FBXL17: variants seen among roughly 807,000 people sequenced by gnomAD.
The protein encoded by FBXL17 is F-box/LRR-repeat protein 17.
Under a neutral mutation model 66.2 loss-of-function variants are expected in FBXL17, and 22 were observed. The observed-to-expected ratio is 0.33, with a 90% CI of 0.24 to 0.47. FBXL17 has a LOEUF of 0.47. Ranked by LOEUF, FBXL17 falls within the 20% of genes least tolerant of loss-of-function variation. The pLI is 1.00. For missense variants in FBXL17, 878 were observed against 948.2 expected, an observed-to-expected ratio of 0.93 and a Z score of 0.97; for synonymous variants, 474 against 400.5, an observed-to-expected ratio of 1.18 and a Z score of -2.19.
chr5:107,869,561 T>C (rs921354692), intron 8 of FBXL17, among the ~76,000 whole-genome samples: 4 of 152,186 alleles, frequency 2.6e-5, no homozygotes, highest in African/African-American at 9.7e-5. Flanking sequence ...ATATTGATTT[T>C]TCCAGGATCC....
intron 8 of FBXL17, 60 bp from the exon 9 acceptor site, chr5:107,861,920 A>T: frequency 1.4e-6 from 2 of 1,403,248 alleles, no homozygotes; most frequent in South Asian, 3.5e-5. Context: ...GCCGCTGCCC[A>T]CGCTCACTGA....
intron 7 of FBXL17, among the ~76,000 whole-genome samples, chr5:107,947,781 C>A (rs1751363948): frequency 6.6e-6 from 1 of 152,152 alleles, no homozygotes; most frequent in Admixed American, 6.5e-5. Context: ...CTGGTCAACT[C>A]TAAAACGAGT....
chr5:108,377,949 T>C (rs187167103), intron 1 of FBXL17, among the ~76,000 whole-genome samples: 5 of 152,214 alleles, frequency 3.3e-5, no homozygotes, highest in African/African-American at 2.4e-5. Context: ...ATCTTTTATA[T>C]AAAAGTGATA....
At chr5:108,054,838 C>A (rs1463855151) in intron 6 of FBXL17, among the ~76,000 whole-genome samples, 13 of 152,090 alleles carry the variant, frequency 8.5e-5, no homozygotes, top group African/African-American at 3.1e-4. Context: ...GAGCTTACCA[C>A]CATGTTGTTC....
intron 6 of FBXL17, among the ~76,000 whole-genome samples, chr5:108,153,898 C>T (rs1486506523): frequency 1.3e-5 from 2 of 152,098 alleles, no homozygotes; most frequent in Admixed American, 1.3e-4. Flanking sequence ...ATCTATGAAC[C>T]AACTAGGTGT....
chr5:108,038,765 T>C (rs1363428166), intron 6 of FBXL17, among the ~76,000 whole-genome samples: 1 of 152,072 alleles, frequency 6.6e-6, no homozygotes, highest in Non-Finnish European at 1.5e-5. Context: ...GTGAGTGAGA[T>C]AATTGTAAAA....
Position 108,381,150 on chromosome 5 carries a change from C to G in FBXL17, c.542G>C (p.Gly181Ala), listed in dbSNP as rs1193807679. 7.1e-7 allele frequency: 1 copy of G among 1,403,560 alleles called. No homozygotes were observed. Among genetic ancestry groups the G allele is most frequent in the Non-Finnish European group, 9.2e-7 (1 of 1,081,528 alleles). 86.9% of individuals were successfully genotyped at this position (1,403,560 alleles called of 1,614,324 possible). ...GAGCTCGGCCGGTGACGGTGTCGGC[C>G]CCCGGAAGAGCTGCACGGCGGCGGG... Reference protein sequence around the residue: ...GPPAAVQLFRGPTPSPAELPT... With the variant: ...GPPAAVQLFRAPTPSPAELPT... Residue 181 changes from glycine (G) to alanine (A), a missense_variant, in exon 1 of 9, where the codon GGG becomes GCG. This residue lies in a region of FBXL17 where 605 missense variants were observed against 509.5 expected (regional missense o/e 1.19). Coordinates refer to ENST00000542267, the MANE Select transcript of FBXL17 (RefSeq NM_001163315.3).
chr5:107,996,388 C>T (rs1331925049), intron 7 of FBXL17, among the ~76,000 whole-genome samples: 1 of 152,226 alleles, frequency 6.6e-6, no homozygotes, highest in Non-Finnish European at 1.5e-5. Context: ...GATCTCAACT[C>T]ACTGCAGCCT....
chr5:108,135,589 A>G (rs1751102182), intron 6 of FBXL17, among the ~76,000 whole-genome samples: 1 of 152,150 alleles, frequency 6.6e-6, no homozygotes, highest in African/African-American at 2.4e-5. Flanking sequence ...ACTCCTAAAA[A>G]TTTCTTACTG....
chr5:108,160,260 C>T (rs1055140850), intron 6 of FBXL17, among the ~76,000 whole-genome samples: 2 of 152,112 alleles, frequency 1.3e-5, no homozygotes, highest in East Asian at 1.9e-4. Context: ...TACTATAATA[C>T]CACGATTAGA....
chr5:108,008,197 T>A (rs79693384), intron 7 of FBXL17, among the ~76,000 whole-genome samples: 2,231 of 152,320 alleles, frequency 0.015, 22 homozygotes, highest in Non-Finnish European at 0.023. Flanking sequence ...ACATGCTTGA[T>A]ACCCTCATCC....
intron 4 of FBXL17, among the ~76,000 whole-genome samples, chr5:108,278,854 G>T (rs1757590435): frequency 6.6e-6 from 1 of 152,190 alleles, no homozygotes; most frequent in African/African-American, 2.4e-5. Context: ...GGTCCTGAGT[G>T]CAAGCTTGAC....
intron 7 of FBXL17, among the ~76,000 whole-genome samples, chr5:107,885,483 T>C (rs1163577962): frequency 6.6e-6 from 1 of 152,202 alleles, no homozygotes; most frequent in African/African-American, 2.4e-5. Context: ...GCACTGATTG[T>C]AATTGCAAAA....
intron 6 of FBXL17, among the ~76,000 whole-genome samples, chr5:108,027,123 C>T (rs1022776125): frequency 2.0e-5 from 3 of 152,096 alleles, no homozygotes; most frequent in Non-Finnish European, 4.4e-5. Context: ...CACAAACCTG[C>T]TGTTATGAAA....
intron 7 of FBXL17, among the ~76,000 whole-genome samples, chr5:107,990,666 A>G (rs1237845453): frequency 6.6e-6 from 1 of 152,248 alleles, no homozygotes. Flanking sequence ...GCATATAGCA[A>G]GTGCTCAATA....
At chr5:107,868,329 G>A (rs1748343071) in intron 8 of FBXL17, among the ~76,000 whole-genome samples, 1 of 152,216 alleles carries the variant, frequency 6.6e-6, no homozygotes, top group African/African-American at 2.4e-5. Context: ...ATTGCAGTTT[G>A]CATATAAATA....
At chr5:108,077,655 C>A (rs985729606) in intron 6 of FBXL17, among the ~76,000 whole-genome samples, 4 of 136,008 alleles carry the variant, frequency 2.9e-5, no homozygotes, top group African/African-American at 8.0e-5. Flanking sequence ...AAGGCAAGAT[C>A]CTATCTCAAA....
chr5:107,933,593 C>T (rs1750802175), intron 7 of FBXL17, among the ~76,000 whole-genome samples: 1 of 152,136 alleles, frequency 6.6e-6, no homozygotes, highest in South Asian at 2.1e-4. Context: ...CAGACTTAAA[C>T]AATACCCTGT....
chr5:108,019,284 C>G (rs1374175026), intron 7 of FBXL17, among the ~76,000 whole-genome samples: 1 of 152,142 alleles, frequency 6.6e-6, no homozygotes, highest in Non-Finnish European at 1.5e-5. Context: ...GATCCCAGAT[C>G]TGTCTCAACT....
Sources: allele counts gnomAD v4.1 joint callset (sites outside exome capture counted in the v4.1 genomes callset), GRCh38; gene constraint gnomAD v4.1.1; regional missense constraint gnomAD v4.1.1; transcripts MANE v1.5; gene names NCBI Gene and HGNC (gene_info 2026-07-23, HGNC 2026-07-21).